The following DCLK1 variants were observed in gnomAD, a reference collection of about 807,000 sequenced individuals.
The protein encoded by DCLK1 is doublecortin like kinase 1, also known as serine/threonine-protein kinase DCLK1.
In DCLK1, 16 loss-of-function variants were observed where a neutral mutation model predicts 86.2. That is an observed-to-expected ratio of 0.19 (90% confidence interval 0.13 to 0.28). The LOEUF (loss-of-function observed/expected upper bound fraction) is 0.28, where lower values mean the gene tolerates loss of function less well. Among genes scored for constraint, DCLK1 ranks in the 10% least tolerant of loss-of-function variants. The pLI is 1.00. For synonymous variants in DCLK1, 369 were observed against 370.5 expected (o/e 1.00, Z 0.05); for missense variants, 590 against 940.2 (o/e 0.63, Z 4.87).
intron 3 of DCLK1, among the ~76,000 whole-genome samples, chr13:36,049,169 T>C (rs779343058): frequency 6.6e-6 from 1 of 152,208 alleles, no homozygotes; most frequent in Non-Finnish European, 1.5e-5. Context: ...AAGCCTTTGT[T>C]TTCTGGACCT....
chr13:35,837,168 T>C (rs1295417945), intron 7 of DCLK1, among the ~76,000 whole-genome samples: 1 of 152,244 alleles, frequency 6.6e-6, no homozygotes, highest in African/African-American at 2.4e-5. Context: ...GTATTCATGC[T>C]TGCTCTGTAT....
intron 6 of DCLK1, 95 bp downstream of exon 6, chr13:35,854,404 C>T (rs1363225662): frequency 7.5e-6 from 7 of 939,242 alleles, no homozygotes; most frequent in Admixed American, 6.6e-5. Flanking sequence ...GCTTAGATAT[C>T]GCCTAGAGAC....
chr13:35,790,503 G>A (rs866413539), intron 16 of DCLK1, among the ~76,000 whole-genome samples: 16 of 152,140 alleles, frequency 1.1e-4, no homozygotes, highest in African/African-American at 3.6e-4. Flanking sequence ...AAGGGTGTAT[G>A]TAATTCTAAA....
At chr13:35,807,383 C>T (rs1165943231) in intron 14 of DCLK1, among the ~76,000 whole-genome samples, 1 of 152,144 alleles carries the variant, frequency 6.6e-6, no homozygotes, top group African/African-American at 2.4e-5. Flanking sequence ...CTTGTGTTTT[C>T]CTCCCCCTCT....
At chr13:35,909,078 T>A (rs1874847595) in intron 4 of DCLK1, among the ~76,000 whole-genome samples, 1 of 152,232 alleles carries the variant, frequency 6.6e-6, no homozygotes, top group Non-Finnish European at 1.5e-5. Flanking sequence ...CCTAATTAGA[T>A]CTGAGCACGC....
At position 36,126,057 on chromosome 13, in the gene DCLK1, C is replaced by T; in HGVS notation, c.81G>A (p.Val27=). The part of the protein sequence containing the change: ...KAQRYSRGSR[V]NGLPSPTHSA... Reference sequence around the variant, plus strand: ...TGTGCGTCGGGCTCGGCAGGCCGTTCACCCGCGACCCTCGGCTGTATCTCT... The same window carrying T: ...TGTGCGTCGGGCTCGGCAGGCCGTTTACCCGCGACCCTCGGCTGTATCTCT... Residue 27 remains valine, a synonymous_variant, in exon 2 of 17, where the codon GTG becomes GTA. Coordinates refer to ENST00000360631, the MANE Select transcript of DCLK1 (RefSeq NM_001330071.2). 6.2e-7 allele frequency: 1 copy of T among 1,613,278 alleles called. No individual in the cohort carries two copies. Among genetic ancestry groups the T allele is most frequent in the South Asian group, 1.1e-5 (1 of 91,044 alleles).
chr13:35,924,304 G>T (rs773826707), intron 4 of DCLK1, among the ~76,000 whole-genome samples: 16 of 152,082 alleles, frequency 1.1e-4, no homozygotes, highest in Non-Finnish European at 2.1e-4. Flanking sequence ...CGTTACAAAG[G>T]CTTTCTTGTC....
At chr13:35,968,865 A>G (rs1307906507) in intron 3 of DCLK1, among the ~76,000 whole-genome samples, 1 of 152,200 alleles carries the variant, frequency 6.6e-6, no homozygotes, top group African/African-American at 2.4e-5. Flanking sequence ...CACAAACTGA[A>G]GAAAGAGTTT....
intron 6 of DCLK1, among the ~76,000 whole-genome samples, chr13:35,843,818 T>C (rs997318227): frequency 6.6e-6 from 1 of 152,250 alleles, no homozygotes; most frequent in Admixed American, 6.5e-5. Flanking sequence ...CACTGTCATA[T>C]GATTTCTGAA....
intron 4 of DCLK1, among the ~76,000 whole-genome samples, chr13:35,879,924 A>G (rs1209765093): frequency 6.6e-6 from 1 of 152,032 alleles, no homozygotes; most frequent in African/African-American, 2.4e-5. Context: ...ACGTCCCCAC[A>G]CATTCCCAAA....
At chr13:35,917,201 T>C (rs1875468396) in intron 4 of DCLK1, among the ~76,000 whole-genome samples, 1 of 152,254 alleles carries the variant, frequency 6.6e-6, no homozygotes, top group African/African-American at 2.4e-5. Flanking sequence ...ATGAAAACTC[T>C]CGTGTCACAC....
chr13:35,889,878 A>C (rs1225363730), intron 4 of DCLK1, among the ~76,000 whole-genome samples: 1 of 152,180 alleles, frequency 6.6e-6, no homozygotes, highest in Non-Finnish European at 1.5e-5. Flanking sequence ...ATTTACTTGA[A>C]ATGTATTGTA....
intron 3 of DCLK1, among the ~76,000 whole-genome samples, chr13:35,996,498 T>G (rs1880483825): frequency 6.6e-6 from 1 of 152,216 alleles, no homozygotes; most frequent in South Asian, 2.1e-4. Context: ...CAAAGCAGAC[T>G]GCCCTCTGTA....
intron 3 of DCLK1, among the ~76,000 whole-genome samples, chr13:36,078,145 G>A (rs1264453804): frequency 2.6e-5 from 4 of 152,162 alleles, no homozygotes; most frequent in Non-Finnish European, 5.9e-5. Flanking sequence ...AGAGACCCCA[G>A]AGCTTCCACT....
intron 3 of DCLK1, among the ~76,000 whole-genome samples, chr13:35,985,391 CAA>C (rs139242465): frequency 1.3e-4 from 18 of 139,586 alleles, no homozygotes; most frequent in African/African-American, 2.4e-4. Flanking sequence ...AACAAACAAA[CAA>C]AAAAAAAAAA....
chr13:35,981,979 C>T lies in DCLK1; in HGVS notation c.724-34522G>A, dbSNP rs529167004. On this transcript the variant is annotated intron_variant, in intron 3 of 16. Coordinates refer to ENST00000360631, the MANE Select transcript of DCLK1 (RefSeq NM_001330071.2). ...TATTTTCTGATTATTTTATGCTAGCCATCCTAGTGGGTGTGAGGTAGAACC... is the reference window on the plus strand; with the variant it reads ...TATTTTCTGATTATTTTATGCTAGCTATCCTAGTGGGTGTGAGGTAGAACC... Among the ~76,000 whole-genome samples the T allele has an allele frequency of 4.6e-5, 7 of 152,280 alleles. No individual in the cohort carries two copies. In the South Asian group the frequency reaches 1.5e-3, roughly 32 times the overall value.
At chr13:36,049,111 G>T (rs953697786) in intron 3 of DCLK1, among the ~76,000 whole-genome samples, 1 of 151,912 alleles carries the variant, frequency 6.6e-6, no homozygotes, top group Non-Finnish European at 1.5e-5. Context: ...ACTTTCCAAA[G>T]ACAATAGAAA....
At chr13:36,015,009 TCTC>T (rs1881483491) in intron 3 of DCLK1, among the ~76,000 whole-genome samples, 1 of 1,272 alleles carries the variant, frequency 7.9e-4, no homozygotes. Context: ...TCTCTTTCTC[TCTC>T]TCTCTCTCTC....
At chr13:35,781,840 G>C (rs895064781) in intron 16 of DCLK1, among the ~76,000 whole-genome samples, 1 of 152,154 alleles carries the variant, frequency 6.6e-6, no homozygotes, top group African/African-American at 2.4e-5. Flanking sequence ...ATTACGATTT[G>C]CTTGTCAGTT....
Sources: gnomAD v4.1 joint callset for allele counts (sites outside exome capture counted in the v4.1 genomes callset) on GRCh38, gnomAD v4.1.1 for gene constraint, MANE v1.5 for transcripts, NCBI Gene and HGNC (gene_info 2026-07-23, HGNC 2026-07-21) for gene names.